The following UBAC2 variants were observed in gnomAD, a reference collection of about 807,000 sequenced individuals.
UBAC2 encodes the protein UBA domain containing 2, also known as ubiquitin-associated domain-containing protein 2.
UBAC2 carries 26 observed loss-of-function variants against 44.0 expected under a neutral mutation model. The ratio of observed to expected loss-of-function variants is 0.59; its 90% confidence interval spans 0.43 to 0.82. UBAC2 has a LOEUF of 0.82. Ranked by LOEUF, UBAC2 falls within the 40% of genes least tolerant of loss-of-function variation. The pLI, the probability that UBAC2 is intolerant of heterozygous loss-of-function variation, is 0.00. For synonymous variants in UBAC2, 155 were observed against 154.3 expected (o/e 1.00, Z -0.04); for missense variants, 329 against 419.4 (o/e 0.78, Z 1.88).
chr13:99,241,547 A>G (rs1006702693), intron 2 of UBAC2, among the ~76,000 whole-genome samples: 1 of 152,204 alleles, frequency 6.6e-6, no homozygotes, highest in Non-Finnish European at 1.5e-5. Context: ...AAGCAAATTC[A>G]TAGAGACATT....
chr13:99,280,662 G>T lies in UBAC2; in HGVS notation c.390-33435G>T, dbSNP rs76268846. ...CTCTCTCTTACAGCTCCCTCAGCAT[G>T]GAGTAGTGAAGAGTGTTCTTTAATA... is the stretch of plus-strand genomic sequence containing the variant. On this transcript the variant is annotated intron_variant, in intron 4 of 8. Coordinates refer to ENST00000403766, the MANE Select transcript of UBAC2 (RefSeq NM_001144072.2). 2.8e-3 allele frequency among the ~76,000 whole-genome samples: 421 copies of T among 152,294 alleles called. 10 individuals carry two copies. The East Asian group carries it at 0.071, about 26-fold the overall frequency.
chr13:99,306,468 A>G (rs2044337448), intron 4 of UBAC2, among the ~76,000 whole-genome samples: 1 of 152,048 alleles, frequency 6.6e-6, no homozygotes, highest in Admixed American at 6.5e-5. Context: ...CTCTTATTAC[A>G]CTATATTGTA....
At chr13:99,221,750 A>G (rs1271206233) in intron 1 of UBAC2, among the ~76,000 whole-genome samples, 1 of 152,118 alleles carries the variant, frequency 6.6e-6, no homozygotes, top group Non-Finnish European at 1.5e-5. Flanking sequence ...AGGTTCCAGC[A>G]CCTGTCAGAA....
At chr13:99,358,795 G>T (rs1231951448) in intron 7 of UBAC2, among the ~76,000 whole-genome samples, 1 of 152,134 alleles carries the variant, frequency 6.6e-6, no homozygotes, top group African/African-American at 2.4e-5. Flanking sequence ...GGATGTGGAT[G>T]TCACACCCCA....
intron 1 of UBAC2, among the ~76,000 whole-genome samples, chr13:99,235,064 G>C (rs542871300): frequency 6.6e-6 from 1 of 152,162 alleles, no homozygotes; most frequent in African/African-American, 2.4e-5. Flanking sequence ...ACTGCTTTTA[G>C]TACAAGGCAG....
chr13:99,259,751 C>G (rs2043630062), intron 4 of UBAC2, among the ~76,000 whole-genome samples: 1 of 152,204 alleles, frequency 6.6e-6, no homozygotes, highest in Non-Finnish European at 1.5e-5. Flanking sequence ...TGTCCTTTGC[C>G]TTATTCACAT....
At chr13:99,201,308 C>A in intron 1 of UBAC2, 1 of 1,487,974 alleles carries the variant, frequency 6.7e-7, no homozygotes, top group Admixed American at 2.3e-5. Context: ...GTCCCCCTTA[C>A]CATGCCCCAT....
At chr13:99,236,309 T>A (rs749098697) in intron 1 of UBAC2, among the ~76,000 whole-genome samples, 22 of 152,156 alleles carry the variant, frequency 1.4e-4, no homozygotes, top group Non-Finnish European at 2.8e-4. Context: ...TGCAGATTAA[T>A]CCATCTGACA....
At chr13:99,249,359 A>G (rs1308982884) in intron 4 of UBAC2, among the ~76,000 whole-genome samples, 1 of 152,202 alleles carries the variant, frequency 6.6e-6, no homozygotes, top group African/African-American at 2.4e-5. Flanking sequence ...TGTTCCTGCA[A>G]AGGACATGAT....
intron 4 of UBAC2, chr13:99,254,653 AAAGTT>A: frequency 2.3e-6 from 1 of 435,050 alleles, no homozygotes; most frequent in Non-Finnish European, 4.1e-6. Context: ...AGAAATGCAA[AAAGTT>A]AATTATCTGT....
intron 8 of UBAC2, among the ~76,000 whole-genome samples, chr13:99,376,092 TAAGG>T (rs915086220): frequency 5.0e-4 from 75 of 150,006 alleles, no homozygotes; most frequent in African/African-American, 1.8e-3. Context: ...AAATAAAAAA[TAAGG>T]AAAGAGAAAC....
At position 99,253,079 on chromosome 13, in the gene UBAC2, GA is replaced by G. The variant is rs533478154; in HGVS notation, c.389+8456del. 2.4e-3 allele frequency among the ~76,000 whole-genome samples: 360 copies of G among 150,094 alleles called. 4 individuals are homozygous for G. The highest frequency in any genetic ancestry group is 0.011 in the South Asian group (52 of 4,812). On this transcript the variant is annotated intron_variant, in intron 4 of 8. Coordinates refer to ENST00000403766, the MANE Select transcript of UBAC2 (RefSeq NM_001144072.2). ...ATAATTATATGTTAAATATATGTAA[GA>G]TATACAAATAATATATAAAGATATA...
chr13:99,302,566 T>G (rs936324100), intron 4 of UBAC2, among the ~76,000 whole-genome samples: 1 of 152,248 alleles, frequency 6.6e-6, no homozygotes, highest in Non-Finnish European at 1.5e-5. Flanking sequence ...TGGCCCAGTG[T>G]CACACATACT....
intron 4 of UBAC2, among the ~76,000 whole-genome samples, chr13:99,260,455 G>A (rs2043643320): frequency 6.6e-6 from 1 of 152,184 alleles, no homozygotes; most frequent in Non-Finnish European, 1.5e-5. Context: ...TGAGTCAGCA[G>A]GCAGGGACAC....
intron 1 of UBAC2, among the ~76,000 whole-genome samples, chr13:99,208,142 C>T (rs1164795528): frequency 2.6e-5 from 4 of 152,060 alleles, no homozygotes; most frequent in South Asian, 2.1e-4. Flanking sequence ...GGATTACAGG[C>T]GTGTACCACC....
At chr13:99,264,167 T>C (rs2138650298) in intron 4 of UBAC2, among the ~76,000 whole-genome samples, 1 of 152,310 alleles carries the variant, frequency 6.6e-6, no homozygotes, top group African/African-American at 2.4e-5. Flanking sequence ...GGAGCAGTGC[T>C]TTTCTTTTGA....
At chr13:99,293,973 G>A (rs1229665650) in intron 4 of UBAC2, among the ~76,000 whole-genome samples, 1 of 152,086 alleles carries the variant, frequency 6.6e-6, no homozygotes, top group African/African-American at 2.4e-5. Context: ...TAGTTTTGGG[G>A]ATAAAACAAA....
At chr13:99,284,295 C>T (rs2043991121) in intron 4 of UBAC2, among the ~76,000 whole-genome samples, 1 of 152,212 alleles carries the variant, frequency 6.6e-6, no homozygotes, top group African/African-American at 2.4e-5. Context: ...ATATGACACT[C>T]CAGTTATTTA....
chr13:99,297,848 A>G (rs1270554793), intron 4 of UBAC2, among the ~76,000 whole-genome samples: 2 of 152,058 alleles, frequency 1.3e-5, no homozygotes, highest in Non-Finnish European at 2.9e-5. Flanking sequence ...CTTAGAAGAG[A>G]TACAGCTCAA....
Sources: allele counts gnomAD v4.1 joint callset (sites outside exome capture counted in the v4.1 genomes callset), GRCh38; gene constraint gnomAD v4.1.1; transcripts MANE v1.5; gene names NCBI Gene and HGNC (gene_info 2026-07-23, HGNC 2026-07-21).